The following WWOX variants were observed in gnomAD, a reference collection of about 807,000 sequenced individuals.
The protein encoded by WWOX is WW domain containing oxidoreductase, also known as WW domain-containing oxidoreductase.
Under a neutral mutation model 46.2 loss-of-function variants are expected in WWOX, and 69 were observed. The observed-to-expected ratio is 1.49, with a 90% CI of 1.23 to 1.82. WWOX has a LOEUF of 1.82. Ranked by LOEUF, WWOX falls within the 40% of genes most tolerant of loss-of-function variation. The pLI, the probability that WWOX is intolerant of heterozygous loss-of-function variation, is 0.00. For missense variants in WWOX, 919 were observed against 542.6 expected (o/e 1.69, Z -6.89); for synonymous variants, 359 against 202.6 (o/e 1.77, Z -6.56).
intron 6 of WWOX, among the ~76,000 whole-genome samples, chr16:78,421,161 T>C (rs952482922): frequency 1.3e-5 from 2 of 152,224 alleles, no homozygotes; most frequent in African/African-American, 2.4e-5. Context: ...AAAGCTATTA[T>C]AACAAATTAC....
At chr16:78,113,657 C>T (rs2032618231) in intron 3 of WWOX, among the ~76,000 whole-genome samples, 1 of 152,134 alleles carries the variant, frequency 6.6e-6, no homozygotes, top group South Asian at 2.1e-4. Context: ...CTGTTTGTTT[C>T]CACAGTATAA....
intron 5 of WWOX, among the ~76,000 whole-genome samples, chr16:78,336,679 T>C (rs1337982306): frequency 6.6e-6 from 1 of 152,098 alleles, no homozygotes; most frequent in Admixed American, 6.6e-5. Context: ...TGGGGGAACA[T>C]AGACCCAGAG....
chr16:78,704,134 AT>A (rs887265042), intron 8 of WWOX, among the ~76,000 whole-genome samples: 1,606 of 142,600 alleles, frequency 0.011, 9 homozygotes, highest in Middle Eastern at 0.011. Context: ...GCAGGCTGTG[AT>A]TTTTTTTTTT....
chr16:78,636,011 C>G (rs545859629), intron 8 of WWOX, among the ~76,000 whole-genome samples: 1 of 152,262 alleles, frequency 6.6e-6, no homozygotes, highest in South Asian at 2.1e-4. Context: ...CCTGCCAACA[C>G]GAAGGTAGAT....
At chr16:78,734,930 A>G (rs780203455) in intron 8 of WWOX, among the ~76,000 whole-genome samples, 8 of 132,848 alleles carry the variant, frequency 6.0e-5, no homozygotes, top group Non-Finnish European at 9.2e-5. Context: ...CAGTGACGCA[A>G]TCTCAGCTCA....
At chr16:78,973,305 C>G (rs1357667874) in intron 8 of WWOX, among the ~76,000 whole-genome samples, 1 of 152,072 alleles carries the variant, frequency 6.6e-6, no homozygotes, top group East Asian at 1.9e-4. Context: ...CGTTTGGGTA[C>G]TTATGTTCCC....
chr16:79,133,664 G>T (rs530386994), intron 8 of WWOX, among the ~76,000 whole-genome samples: 2 of 152,106 alleles, frequency 1.3e-5, no homozygotes, highest in Admixed American at 1.3e-4. Context: ...GTCCTTGCCG[G>T]TGGCCTGCAC....
intron 8 of WWOX, among the ~76,000 whole-genome samples, chr16:78,834,615 G>T (rs1352064028): frequency 6.6e-6 from 1 of 152,170 alleles, no homozygotes; most frequent in Non-Finnish European, 1.5e-5. Context: ...GTAGTTTGTT[G>T]CAGATGAAGA....
chr16:78,686,292 A>G (rs1409279392), intron 8 of WWOX, among the ~76,000 whole-genome samples: 2 of 151,896 alleles, frequency 1.3e-5, no homozygotes, highest in Non-Finnish European at 2.9e-5. Flanking sequence ...CGGGCGGATC[A>G]CGAGGTCAGG....
At chr16:79,158,074 G>A (rs1456938315) in intron 8 of WWOX, among the ~76,000 whole-genome samples, 1 of 152,122 alleles carries the variant, frequency 6.6e-6, no homozygotes, top group Non-Finnish European at 1.5e-5. Context: ...CCCTGGGAGG[G>A]GAGATCCCAG....
intron 8 of WWOX, among the ~76,000 whole-genome samples, chr16:78,495,257 C>T (rs1265923082): frequency 6.7e-6 from 1 of 148,744 alleles, no homozygotes; most frequent in Non-Finnish European, 1.5e-5. Flanking sequence ...TCTCCTGCCT[C>T]AGCCTTCTGA....
At chr16:78,181,257 G>A (rs775602422) in intron 5 of WWOX, among the ~76,000 whole-genome samples, 3 of 152,102 alleles carry the variant, frequency 2.0e-5, no homozygotes, top group Non-Finnish European at 4.4e-5. Context: ...GAGGTTTTTA[G>A]TGCTGGGCTT....
chr16:78,510,274 C>T (rs1428345043), intron 8 of WWOX, among the ~76,000 whole-genome samples: 2 of 151,974 alleles, frequency 1.3e-5, no homozygotes, highest in African/African-American at 4.8e-5. Flanking sequence ...GGCGCGATCT[C>T]CACTCACCGC....
chr16:78,752,109 CAGTT>C (rs771864846), intron 8 of WWOX, among the ~76,000 whole-genome samples: 2 of 152,182 alleles, frequency 1.3e-5, no homozygotes, highest in African/African-American at 2.4e-5. Flanking sequence ...AATAATCAGT[CAGTT>C]GTCTCAATCC....
Position 78,516,582 on chromosome 16 carries a change from G to A in WWOX, c.1056+83830G>A, listed in dbSNP as rs1018757725. Among the ~76,000 whole-genome samples the A allele has an allele frequency of 5.9e-5, 9 of 152,190 alleles. No homozygotes were observed. In the South Asian group the frequency reaches 1.0e-3, roughly 18 times the overall value. ...TTAAAATATCATGCATACTTGGCCT[G>A]TTTCTACAATTTTGTTCCCCAGCCA... On this transcript the variant is annotated intron_variant, in intron 8 of 8. Coordinates refer to ENST00000566780, the MANE Select transcript of WWOX (RefSeq NM_016373.4).
intron 8 of WWOX, among the ~76,000 whole-genome samples, chr16:78,484,981 C>T (rs879278888): frequency 2.0e-5 from 3 of 152,068 alleles, no homozygotes; most frequent in Admixed American, 6.6e-5. Context: ...TCTGCCCTGC[C>T]TTCTGATGAG....
chr16:78,909,039 T>C (rs754456452), intron 8 of WWOX, among the ~76,000 whole-genome samples: 98 of 152,218 alleles, frequency 6.4e-4, no homozygotes, highest in Admixed American at 2.4e-3. Flanking sequence ...TTATCATCTT[T>C]TGTTTCAAAG....
chr16:78,992,757 C>G (rs1481625879), intron 8 of WWOX, among the ~76,000 whole-genome samples: 1 of 152,134 alleles, frequency 6.6e-6, no homozygotes, highest in Non-Finnish European at 1.5e-5. Flanking sequence ...GGGTCCCTGA[C>G]TCCCGGAGGA....
At chr16:79,203,044 C>G (rs1006141325) in intron 8 of WWOX, 3 of 152,124 alleles carry the variant, frequency 2.0e-5, no homozygotes, top group African/African-American at 7.2e-5. Flanking sequence ...TCACTAACAC[C>G]GAGGCAGAAT....
Sources: gnomAD v4.1 joint callset for allele counts (sites outside exome capture counted in the v4.1 genomes callset) on GRCh38, gnomAD v4.1.1 for gene constraint, MANE v1.5 for transcripts, NCBI Gene and HGNC (gene_info 2026-07-23, HGNC 2026-07-21) for gene names.